The following LRP1B variants were observed in gnomAD, a reference collection of about 807,000 sequenced individuals.
LRP1B encodes low-density lipoprotein receptor-related protein 1B.
In LRP1B, 217 loss-of-function variants were observed where a neutral mutation model predicts 556.6. That is an observed-to-expected ratio of 0.39 (90% CI 0.35 to 0.44). The LOEUF (loss-of-function observed/expected upper bound fraction) is 0.44, where lower values mean the gene tolerates loss of function less well. Among genes scored for constraint, LRP1B ranks in the 20% least tolerant of loss-of-function variants. The probability of loss-of-function intolerance (pLI) is 1.00; values close to 1 mark genes in which losing one functional copy is unlikely to be tolerated. For missense variants in LRP1B, 5,053 were observed against 5,620.8 expected, an observed-to-expected ratio of 0.90 and a Z score of 3.23; for synonymous variants, 2,047 against 1,865.8, an observed-to-expected ratio of 1.10 and a Z score of -2.50.
chr2:140,327,365 T>C (rs760542704), intron 79 of LRP1B, among the ~76,000 whole-genome samples: 2 of 152,100 alleles, frequency 1.3e-5, no homozygotes, highest in Admixed American at 1.3e-4. Flanking sequence ...AAGTAATGTA[T>C]AGAGATGTAT....
intron 7 of LRP1B, among the ~76,000 whole-genome samples, chr2:141,135,173 T>A (rs1046303296): frequency 6.6e-6 from 1 of 151,874 alleles, no homozygotes; most frequent in East Asian, 1.9e-4. Flanking sequence ...TAAATACTTT[T>A]AGTAAAAAAT....
chr2:141,229,482 C>T (rs753839309), intron 5 of LRP1B, 42 bp from the exon 6 acceptor site: 64 of 1,389,500 alleles, frequency 4.6e-5, no homozygotes, highest in Non-Finnish European at 6.1e-5. Flanking sequence ...CAGTAAGAGT[C>T]AAGATTATTT....
At chr2:141,010,141 T>C (rs1697698642) in intron 14 of LRP1B, among the ~76,000 whole-genome samples, 1 of 152,088 alleles carries the variant, frequency 6.6e-6, no homozygotes, top group Non-Finnish European at 1.5e-5. Flanking sequence ...AATAATAGGA[T>C]ACATTTAATC....
At chr2:141,897,556 G>A (rs1699491075) in intron 1 of LRP1B, among the ~76,000 whole-genome samples, 1 of 152,136 alleles carries the variant, frequency 6.6e-6, no homozygotes, top group South Asian at 2.1e-4. Context: ...TCCAGTGACA[G>A]CTCTGTATTA....
At chr2:140,476,610 A>G (rs1265184234) in intron 59 of LRP1B, among the ~76,000 whole-genome samples, 1 of 151,994 alleles carries the variant, frequency 6.6e-6, no homozygotes, top group Non-Finnish European at 1.5e-5. Flanking sequence ...CACACACCAT[A>G]TTGTGTTTTG....
At chr2:140,552,973 T>C (rs541087245) in intron 43 of LRP1B, among the ~76,000 whole-genome samples, 5 of 152,002 alleles carry the variant, frequency 3.3e-5, no homozygotes, top group African/African-American at 4.8e-5. Context: ...CTCAAACCAG[T>C]AAAAAATAAA....
chr2:141,151,484 A>G (rs556849477), intron 7 of LRP1B, among the ~76,000 whole-genome samples: 1 of 152,292 alleles, frequency 6.6e-6, no homozygotes, highest in South Asian at 2.1e-4. Flanking sequence ...CTGATACTAC[A>G]TCTATAATAT....
intron 2 of LRP1B, among the ~76,000 whole-genome samples, chr2:141,597,000 C>T (rs896509202): frequency 2.0e-5 from 3 of 151,318 alleles, no homozygotes; most frequent in South Asian, 2.1e-4. Flanking sequence ...TCAGAACTGA[C>T]GTGTGTGTGT....
chr2:140,459,628 C>A (rs191065245), intron 60 of LRP1B, among the ~76,000 whole-genome samples: 106 of 152,272 alleles, frequency 7.0e-4, no homozygotes, highest in African/African-American at 2.5e-3. Context: ...AAGAACTAGG[C>A]CAGCGGGAGA....
At chr2:141,587,168 T>G (rs1363059898) in intron 2 of LRP1B, among the ~76,000 whole-genome samples, 1 of 152,164 alleles carries the variant, frequency 6.6e-6, no homozygotes, top group African/African-American at 2.4e-5. Flanking sequence ...AGAAAATACC[T>G]GATTATTTTT....
intron 41 of LRP1B, among the ~76,000 whole-genome samples, chr2:140,662,290 CCA>C (rs771448273): frequency 2.6e-4 from 40 of 151,994 alleles, no homozygotes; most frequent in African/African-American, 8.9e-4. Context: ...ACAAAATAAT[CCA>C]CAGTTTTTAT....
intron 31 of LRP1B, among the ~76,000 whole-genome samples, chr2:140,814,307 C>A (rs951933539): frequency 1.3e-5 from 2 of 152,056 alleles, no homozygotes; most frequent in Admixed American, 6.6e-5. Flanking sequence ...GACAGAGAAA[C>A]GTTATACTTT....
chr2:141,358,280 A>G (rs886938500), intron 3 of LRP1B, among the ~76,000 whole-genome samples: 1 of 152,212 alleles, frequency 6.6e-6, no homozygotes, highest in African/African-American at 2.4e-5. Flanking sequence ...TTGGAACAAT[A>G]TAGGAAGCCA....
At chr2:141,013,938 A>T (rs1361604317) in intron 13 of LRP1B, among the ~76,000 whole-genome samples, 193 bp from the exon 14 acceptor site, 1 of 152,106 alleles carries the variant, frequency 6.6e-6, no homozygotes, top group Non-Finnish European at 1.5e-5. Context: ...TATTTGAAGG[A>T]AACCATCTAT....
chr2:140,825,396 T>C (rs1248070140), intron 31 of LRP1B, among the ~76,000 whole-genome samples: 1 of 152,098 alleles, frequency 6.6e-6, no homozygotes, highest in Non-Finnish European at 1.5e-5. Context: ...GGTCATGTTG[T>C]CTCCCAGTAA....
intron 43 of LRP1B, among the ~76,000 whole-genome samples, chr2:140,568,005 A>G (rs188052952): frequency 1.3e-5 from 2 of 152,254 alleles, no homozygotes; most frequent in East Asian, 1.9e-4. Context: ...CCACACCATA[A>G]CATTTGAAGA....
At chr2:141,540,113 AATTTATCACAT>A (rs1423250810) in intron 2 of LRP1B, among the ~76,000 whole-genome samples, 50 of 152,066 alleles carry the variant, frequency 3.3e-4, no homozygotes, top group Non-Finnish European at 5.7e-4. Flanking sequence ...TACCATCAAC[AATTTATCACAT>A]ATATTATTTC....
intron 35 of LRP1B, among the ~76,000 whole-genome samples, chr2:140,743,989 AAAGT>A (rs70988420): frequency 0.43 from 19,802 of 45,944 alleles, 8,006 homozygotes; most frequent in East Asian, 0.53. Flanking sequence ...AAAAAAAAAA[AAAGT>A]AAAAAGTAAA....
At chr2:141,343,179 G>A (rs867814174) in intron 3 of LRP1B, among the ~76,000 whole-genome samples, 8 of 152,022 alleles carry the variant, frequency 5.3e-5, no homozygotes, top group Admixed American at 6.5e-5. Context: ...ATGTATAATC[G>A]TCCATTATTC....
Sources: allele counts gnomAD v4.1 joint callset (sites outside exome capture counted in the v4.1 genomes callset), GRCh38; gene constraint gnomAD v4.1.1; transcripts MANE v1.5; gene names NCBI Gene and HGNC (gene_info 2026-07-23, HGNC 2026-07-21).